The following MTMR6 variants were observed in gnomAD, a reference collection of about 807,000 sequenced individuals.
The protein encoded by MTMR6 is myotubularin related protein 6.
Under a neutral mutation model 80.1 loss-of-function variants are expected in MTMR6, and 47 were observed. The ratio of observed to expected loss-of-function variants is 0.59; its 90% CI spans 0.46 to 0.75. MTMR6 has a LOEUF of 0.75. Among genes scored for constraint, MTMR6 ranks in the 30% least tolerant of loss-of-function variants. The pLI, the probability that MTMR6 is intolerant of heterozygous loss-of-function variation, is 0.00. For synonymous variants in MTMR6, 254 were observed against 253.0 expected, an observed-to-expected ratio of 1.00 and a Z score of -0.04; for missense variants, 629 against 730.9, an observed-to-expected ratio of 0.86 and a Z score of 1.61.
At chr13:25,285,158 C>T (rs1328310095) in intron 1 of MTMR6, among the ~76,000 whole-genome samples, 1 of 152,016 alleles carries the variant, frequency 6.6e-6, no homozygotes, top group East Asian at 1.9e-4. Flanking sequence ...GAATATCAGA[C>T]AAAATGAAAG....
intron 5 of MTMR6, among the ~76,000 whole-genome samples, chr13:25,264,802 A>T (rs1463576536): frequency 6.9e-6 from 1 of 145,792 alleles, no homozygotes; most frequent in Admixed American, 7.4e-5. Context: ...GGGGAAAAAG[A>T]GGATTCTAAA....
At position 25,287,387 on chromosome 13, in the gene MTMR6, G is replaced by A. The variant is rs1957975875; in HGVS notation, c.-140C>T. ...GGGTCTGTCTGCCGGCCCCGGTGGC[G>A]TCAACGGCGCAGGTGCAGCCGGTGA... On this transcript the variant is annotated 5_prime_UTR_variant, in exon 1 of 14. It adds an upstream start codon to the 5' untranslated region. Coordinates refer to ENST00000381801, the MANE Select transcript of MTMR6 (RefSeq NM_004685.5). 1 of 1,158,184 alleles carries A rather than the reference G, an allele frequency of 8.6e-7. No homozygotes were observed. The highest frequency in any genetic ancestry group is 1.2e-6 in the Non-Finnish European group (1 of 806,746). 71.7% of individuals were successfully genotyped at this position (1,158,184 alleles called of 1,614,324 possible).
intron 1 of MTMR6, among the ~76,000 whole-genome samples, chr13:25,274,961 T>TACACACACACAGACACAC (rs1957680767): frequency 9.5e-6 from 1 of 104,988 alleles, no homozygotes. Context: ...CACACACACA[T>TACACACACACAGACACAC]ACACACACAC....
At chr13:25,276,532 A>G (rs908899336) in intron 1 of MTMR6, among the ~76,000 whole-genome samples, 1 of 152,162 alleles carries the variant, frequency 6.6e-6, no homozygotes, top group African/African-American at 2.4e-5. Context: ...CCAATTATAA[A>G]CCTCAAGTTG....
At chr13:25,253,999 C>G in intron 10 of MTMR6, 35 bp from the exon 11 acceptor site, 1 of 1,594,100 alleles carries the variant, frequency 6.3e-7, no homozygotes, top group Non-Finnish European at 8.6e-7. Context: ...TTTAAAAACA[C>G]CTCTGAAAGG....
At chr13:25,263,459 TAAGTA>T (rs1381241819) in intron 5 of MTMR6, among the ~76,000 whole-genome samples, 1 of 152,210 alleles carries the variant, frequency 6.6e-6, no homozygotes, top group East Asian at 1.9e-4. Flanking sequence ...CTAGGAGCAT[TAAGTA>T]AAGTCTACAT....
chr13:25,285,145 G>A (rs1451875596), intron 1 of MTMR6, among the ~76,000 whole-genome samples: 1 of 152,138 alleles, frequency 6.6e-6, no homozygotes, highest in African/African-American at 2.4e-5. Flanking sequence ...GGTAGATAAG[G>A]AGGAATATCA....
rs774272200 is a variant in MTMR6, at chr13:25,249,354, G to A, written c.1744C>T (p.Leu582Phe). ...EQTLLPVNDA[L>F]RTIEGSSPAD... ...GGGCTGCTGCCCTCTATAGTTCGAA[G>A]AGCATCATTTACGGGTAGCAGAGTC... The change falls in exon 14 of 14, where the codon CTT becomes TTT. Residue 582 changes from leucine (L) to phenylalanine (F), a missense_variant. Leu to Phe is a conservative substitution (Grantham distance 22). Coordinates refer to ENST00000381801, the MANE Select transcript of MTMR6 (RefSeq NM_004685.5). The A allele has an allele frequency of 1.9e-6, 3 of 1,614,096 alleles. No individual in the cohort carries two copies. Among genetic ancestry groups the A allele is most frequent in the African/African-American group, 1.3e-5 (1 of 75,036 alleles).
chr13:25,265,919 T>C lies in MTMR6; in HGVS notation c.491A>G (p.Tyr164Cys), dbSNP rs1957444985. 1 of 1,614,046 alleles carries C rather than the reference T, an allele frequency of 6.2e-7. No individual in the cohort carries two copies. Among genetic ancestry groups the C allele is most frequent in the Non-Finnish European group, 8.5e-7 (1 of 1,179,920 alleles). Reference protein sequence around the residue: ...KICETYPRELYVPRIASKPII... With the variant: ...KICETYPRELCVPRIASKPII... ...TGGTTTGCTTGCTATCCGGGGAACA[T>C]AAAGTTCTCTGGGGTAAGTTTCACA... is the stretch of plus-strand genomic sequence containing the variant. Residue 164 changes from tyrosine to cysteine, a missense_variant, in exon 5 of 14, where the codon TAT becomes TGT. Tyr to Cys is a radical substitution (Grantham distance 194, BLOSUM62 -2). Coordinates refer to ENST00000381801, the MANE Select transcript of MTMR6 (RefSeq NM_004685.5).
chr13:25,275,195 C>A (rs1479157569), intron 1 of MTMR6, among the ~76,000 whole-genome samples: 1 of 149,428 alleles, frequency 6.7e-6, no homozygotes, highest in Non-Finnish European at 1.5e-5. Context: ...GGGAGGCCAA[C>A]ACGGGTGCAT....
At chr13:25,250,722 T>C (rs1004885631) in intron 13 of MTMR6, among the ~76,000 whole-genome samples, 2 of 152,196 alleles carry the variant, frequency 1.3e-5, no homozygotes, top group Non-Finnish European at 2.9e-5. Context: ...TGTATCAACA[T>C]GGATAAATGT....
intron 6 of MTMR6, among the ~76,000 whole-genome samples, chr13:25,259,544 C>T (rs924781037): frequency 2.0e-5 from 3 of 152,128 alleles, no homozygotes; most frequent in African/African-American, 7.2e-5. Flanking sequence ...ACTAGTTATT[C>T]GGTACCTAAA....
Position 25,253,750 on chromosome 13 carries a change from T to A in MTMR6, c.1346+14A>T, listed in dbSNP as rs760360801. On this transcript the variant is annotated intron_variant, in intron 11 of 13. Coordinates refer to ENST00000381801, the MANE Select transcript of MTMR6 (RefSeq NM_004685.5). The stretch of plus-strand genomic sequence containing the variant: ...TAGGGGGAAAAGGAGACTCTTTTAA[T>A]TGAATCATCTTACTTGAGCTCTTCT... The A allele has an allele frequency of 1.9e-6, 3 of 1,609,830 alleles. No homozygotes were observed. The highest frequency in any genetic ancestry group is 2.5e-6 in the Non-Finnish European group (3 of 1,176,918).
chr13:25,268,066 T>G, intron 2 of MTMR6, 125 bp from the exon 3 acceptor site: 1 of 907,646 alleles, frequency 1.1e-6, no homozygotes, highest in Non-Finnish European at 1.6e-6. Flanking sequence ...CACTCAAACT[T>G]CACGTTTTTA....
chr13:25,270,769 C>T (rs1180681859), intron 2 of MTMR6, among the ~76,000 whole-genome samples: 1 of 152,098 alleles, frequency 6.6e-6, no homozygotes, highest in African/African-American at 2.4e-5. Context: ...GGTTAGCCTT[C>T]TTGGGGAAAT....
intron 1 of MTMR6, among the ~76,000 whole-genome samples, chr13:25,275,498 A>G (rs1280938528): frequency 6.6e-6 from 1 of 152,130 alleles, no homozygotes; most frequent in Non-Finnish European, 1.5e-5. Flanking sequence ...TAAATCGTTT[A>G]TATCTTCAAA....
chr13:25,260,491 A>G, intron 6 of MTMR6: 1 of 551,872 alleles, frequency 1.8e-6, no homozygotes, highest in Non-Finnish European at 2.7e-6. Context: ...GTGAAATTGC[A>G]TAATGATGAG....
rs71077456 is a variant in MTMR6 at position 25,274,961 on chromosome 13, TACAC to T, written c.25-778_25-775del. ...ACAGACACACACACACACACACACATACACACACACACACACACACACACACACA... is the reference window on the plus strand; with the variant it reads ...ACAGACACACACACACACACACACATACACACACACACACACACACACACA... On this transcript the variant is annotated intron_variant, in intron 1 of 13. Transcript: ENST00000381801. 1.6e-3 allele frequency among the ~76,000 whole-genome samples: 170 copies of T among 105,054 alleles called. 1 individual carries two copies. The highest frequency in any genetic ancestry group is 4.9e-3 in the African/African-American group (140 of 28,716). The allele number at this position is 105,054 out of a possible 152,430, so 68.9% of individuals were successfully genotyped here.
At chr13:25,279,669 T>C (rs1957803583) in intron 1 of MTMR6, among the ~76,000 whole-genome samples, 1 of 152,144 alleles carries the variant, frequency 6.6e-6, no homozygotes, top group Non-Finnish European at 1.5e-5. Flanking sequence ...CGTATGGAGT[T>C]TAAAAGGCAA....
Sources: gnomAD v4.1 joint callset for allele counts (sites outside exome capture counted in the v4.1 genomes callset) on GRCh38, gnomAD v4.1.1 for gene constraint, MANE v1.5 for transcripts, NCBI Gene and HGNC (gene_info 2026-07-23, HGNC 2026-07-21) for gene names.